The following LRRTM4 variants were observed in gnomAD, a reference collection of about 807,000 sequenced individuals.
LRRTM4 encodes leucine-rich repeat transmembrane neuronal protein 4.
Under a neutral mutation model 47.6 loss-of-function variants are expected in LRRTM4, and 25 were observed. The observed-to-expected ratio is 0.53, with a 90% CI of 0.38 to 0.73. The LOEUF is 0.73. LRRTM4 is among the 30% of genes least tolerant of loss of function. The pLI, the probability that LRRTM4 is intolerant of heterozygous loss-of-function variation, is 0.00. For synonymous variants in LRRTM4, 311 were observed against 269.5 expected, an observed-to-expected ratio of 1.15 and a Z score of -1.51; for missense variants, 638 against 713.4, an observed-to-expected ratio of 0.89 and a Z score of 1.20.
At chr2:77,265,623 A>G (rs1305765441) in intron 3 of LRRTM4, among the ~76,000 whole-genome samples, 1 of 152,122 alleles carries the variant, frequency 6.6e-6, no homozygotes, top group Non-Finnish European at 1.5e-5. Flanking sequence ...AAAACAGACT[A>G]AGACAGGACT....
intron 3 of LRRTM4, among the ~76,000 whole-genome samples, chr2:76,753,793 T>A (rs1439098811): frequency 6.6e-6 from 1 of 152,128 alleles, no homozygotes; most frequent in East Asian, 1.9e-4. Context: ...GTGAGAGCAA[T>A]GTGAAATGGA....
intron 3 of LRRTM4, among the ~76,000 whole-genome samples, chr2:76,877,124 G>A (rs921775139): frequency 3.3e-5 from 5 of 151,948 alleles, no homozygotes; most frequent in South Asian, 2.1e-4. Flanking sequence ...TTGTAAGAGC[G>A]GGAAGTAGAT....
At chr2:76,832,515 C>G (rs1671384419) in intron 3 of LRRTM4, among the ~76,000 whole-genome samples, 1 of 126,994 alleles carries the variant, frequency 7.9e-6, no homozygotes. Flanking sequence ...GACTAATACT[C>G]TTTAGGTCCT....
At chr2:77,234,778 G>A (rs1386759239) in intron 3 of LRRTM4, among the ~76,000 whole-genome samples, 3 of 151,972 alleles carry the variant, frequency 2.0e-5, no homozygotes, top group Non-Finnish European at 2.9e-5. Flanking sequence ...ATTTAGATTC[G>A]GGGGTATAAG....
intron 3 of LRRTM4, among the ~76,000 whole-genome samples, chr2:77,392,559 G>A (rs1039900275): frequency 2.6e-5 from 4 of 151,962 alleles, no homozygotes; most frequent in South Asian, 2.1e-4. Flanking sequence ...AAGTAAATCC[G>A]GTCATCTGTA....
chr2:76,773,177 C>T (rs1232645465), intron 3 of LRRTM4: 1 of 152,224 alleles, frequency 6.6e-6, no homozygotes. Flanking sequence ...AATGGCGCCT[C>T]TATCTTCCAG....
chr2:77,230,060 C>G (rs1340067333), intron 3 of LRRTM4, among the ~76,000 whole-genome samples: 1 of 152,060 alleles, frequency 6.6e-6, no homozygotes, highest in Non-Finnish European at 1.5e-5. Flanking sequence ...TCTAATTTTT[C>G]AGTGCCTAGC....
chr2:77,312,130 A>G (rs116011672), intron 3 of LRRTM4, among the ~76,000 whole-genome samples: 3 of 152,182 alleles, frequency 2.0e-5, no homozygotes, highest in Non-Finnish European at 2.9e-5. Context: ...TTTGACTTCA[A>G]TCCTTTTCAC....
At chr2:76,757,901 T>A (rs910255463) in intron 3 of LRRTM4, among the ~76,000 whole-genome samples, 5 of 152,100 alleles carry the variant, frequency 3.3e-5, no homozygotes, top group Non-Finnish European at 5.9e-5. Flanking sequence ...CAGGATCAAT[T>A]TAAGATATGT....
At chr2:77,377,334 C>T (rs1672875578) in intron 3 of LRRTM4, among the ~76,000 whole-genome samples, 1 of 151,814 alleles carries the variant, frequency 6.6e-6, no homozygotes, top group African/African-American at 2.4e-5. Flanking sequence ...TACATTAGCT[C>T]ACTATTGATA....
At chr2:77,454,667 A>T (rs1676451760) in intron 3 of LRRTM4, among the ~76,000 whole-genome samples, 1 of 152,160 alleles carries the variant, frequency 6.6e-6, no homozygotes, top group Non-Finnish European at 1.5e-5. Context: ...ACAGAAATAA[A>T]AGGGTTTTTA....
chr2:77,519,644 C>A lies in LRRTM4; in HGVS notation c.225G>T (p.Lys75Asn), dbSNP rs1181255993. Residue 75 changes from lysine (K) to asparagine (N), a missense_variant, in exon 3 of 4, where the codon AAG (lysine) becomes AAT (asparagine). Coordinates refer to ENST00000409884, the MANE Select transcript of LRRTM4 (RefSeq NM_001134745.3). The surrounding 1 kb of genome is among the most constrained non-coding windows in gnomAD (Gnocchi z 4.6). ...GGCCGGCAAACTGATTGGATTTGAG[C>A]TTCTGAATGCTGTTGAACCTTAATG... ...GLSLRFNSIQ[K>N]LKSNQFAGLN... is the part of the protein sequence containing the mutation. The A allele has an allele frequency of 6.2e-7, 1 of 1,613,438 alleles. No individual in the cohort carries two copies. Among genetic ancestry groups the A allele is most frequent in the South Asian group, 1.1e-5 (1 of 91,080 alleles).
At chr2:77,421,310 G>A (rs1365674274) in intron 3 of LRRTM4, among the ~76,000 whole-genome samples, 1 of 152,166 alleles carries the variant, frequency 6.6e-6, no homozygotes, top group Non-Finnish European at 1.5e-5. Context: ...ATAACCCAGT[G>A]TTTCTCAACT....
chr2:77,086,031 A>G (rs981783339), intron 3 of LRRTM4, among the ~76,000 whole-genome samples: 1 of 152,172 alleles, frequency 6.6e-6, no homozygotes, highest in Non-Finnish European at 1.5e-5. Context: ...GTTAAATTCA[A>G]TTTTAAAAAT....
At chr2:77,479,177 T>C (rs1677554414) in intron 3 of LRRTM4, among the ~76,000 whole-genome samples, 1 of 152,198 alleles carries the variant, frequency 6.6e-6, no homozygotes, top group Non-Finnish European at 1.5e-5. Flanking sequence ...ATTATAGGTA[T>C]GAGCCACTGC....
At chr2:77,036,962 T>C (rs75311330) in intron 3 of LRRTM4, among the ~76,000 whole-genome samples, 2,406 of 151,730 alleles carry the variant, frequency 0.016, 60 homozygotes, top group African/African-American at 0.054. Flanking sequence ...CTTAATTCCA[T>C]AGAAATTGGA....
chr2:77,022,860 G>T (rs1269958357), intron 3 of LRRTM4, among the ~76,000 whole-genome samples: 2 of 152,148 alleles, frequency 1.3e-5, no homozygotes, highest in Admixed American at 6.5e-5. Flanking sequence ...GCTGTAGTTG[G>T]ATCTACGATT....
At chr2:77,353,791 A>G (rs745772341) in intron 3 of LRRTM4, among the ~76,000 whole-genome samples, 1 of 152,294 alleles carries the variant, frequency 6.6e-6, no homozygotes, top group South Asian at 2.1e-4. Flanking sequence ...CCCAACTGAT[A>G]TGAAATGCAG....
chr2:77,421,856 T>A (rs1674909793), intron 3 of LRRTM4, among the ~76,000 whole-genome samples: 1 of 152,198 alleles, frequency 6.6e-6, no homozygotes, highest in Admixed American at 6.5e-5. Flanking sequence ...ATGCAATGAA[T>A]AACGATATTT....
Sources: allele counts gnomAD v4.1 joint callset (sites outside exome capture counted in the v4.1 genomes callset), GRCh38; gene constraint gnomAD v4.1.1; non-coding constraint Gnocchi (gnomAD v3.1); transcripts MANE v1.5; gene names NCBI Gene and HGNC (gene_info 2026-07-23, HGNC 2026-07-21).